RASGRP4: variants seen among roughly 807,000 people sequenced by gnomAD.
RASGRP4 encodes RAS guanyl-releasing protein 4.
In RASGRP4, 52 loss-of-function variants were observed where a neutral mutation model predicts 84.4. The ratio of observed to expected loss-of-function variants is 0.62; its 90% confidence interval spans 0.49 to 0.78. The LOEUF is 0.78. Ranked by LOEUF, RASGRP4 falls within the 30% of genes least tolerant of loss-of-function variation. The pLI is 0.00. For synonymous variants in RASGRP4, 356 were observed against 359.1 expected (o/e 0.99, Z 0.10); for missense variants, 760 against 886.9 (o/e 0.86, Z 1.82).
At chr19:38,423,929 G>A (rs1971872750) in intron 1 of RASGRP4, among the ~76,000 whole-genome samples, 1 of 152,138 alleles carries the variant, frequency 6.6e-6, no homozygotes, top group Admixed American at 6.6e-5. Context: ...TAGGGGAAGA[G>A]GGTAATGGAG....
chr19:38,414,047 G>A (rs1461315608), intron 9 of RASGRP4, among the ~76,000 whole-genome samples: 1 of 152,070 alleles, frequency 6.6e-6, no homozygotes, highest in East Asian at 1.9e-4. Flanking sequence ...TCATGCCTCA[G>A]CCTCCCAAGT....
Position 38,426,101 on chromosome 19 carries a change from G to A in RASGRP4, c.-10C>T, listed in dbSNP as rs377245170. 145 of 1,330,088 alleles carry A rather than the reference G, an allele frequency of 1.1e-4. 1 individual carries two copies. In the East Asian group the frequency reaches 3.5e-3, roughly 32 times the overall value. 82.4% of individuals were successfully genotyped at this position (1,330,088 alleles called of 1,614,324 possible). A position where few individuals can be genotyped will look rare whatever the true frequency, so the allele number is the denominator to read the frequency against. ...TGTCTTTTCTGTTCATGCTTCCCGC[G>A]TGGGGTGAGGAGGCCGGGGGTCTTG... On this transcript the variant is annotated 5_prime_UTR_variant, in exon 1 of 17. It adds an upstream start codon to the 5' untranslated region. Transcript: ENST00000615439.
intron 13 of RASGRP4, 29 bp from the exon 14 acceptor site, chr19:38,411,410 C>A: frequency 6.6e-7 from 1 of 1,522,232 alleles, no homozygotes; most frequent in South Asian, 1.3e-5. Flanking sequence ...AAAGGTTACC[C>A]ATCCTAGGAG....
intron 1 of RASGRP4, among the ~76,000 whole-genome samples, chr19:38,424,285 A>C (rs987247965): frequency 3.3e-5 from 5 of 151,864 alleles, no homozygotes; most frequent in African/African-American, 1.2e-4. Flanking sequence ...ACGCCGAGCT[A>C]ATTTTTGTAT....
rs1568408354 is a variant in RASGRP4 at position 38,413,171 on chromosome 19, C to CG, written c.1416+21dup. On this transcript the variant is annotated intron_variant, in intron 11 of 16. Coordinates refer to ENST00000615439, the MANE Select transcript of RASGRP4 (RefSeq NM_170604.3). This position sits in a 1 kb window ranked among gnomAD's most constrained non-coding sequence, Gnocchi z 4.7. ...GTCTTCCCTCCTGGCTGCTGGCGGC[C>CG]GGGCCACCCTCCCCTCCTTACCTCC... 1.2e-6 allele frequency: 2 copies of CG among 1,605,658 alleles called. No individual in the cohort carries two copies. Among genetic ancestry groups the CG allele is most frequent in the Non-Finnish European group, 1.7e-6 (2 of 1,173,488 alleles).
At chr19:38,416,454 ACT>A (rs1359097687) in intron 8 of RASGRP4, among the ~76,000 whole-genome samples, 1 of 121,010 alleles carries the variant, frequency 8.3e-6, no homozygotes, top group Admixed American at 9.5e-5. Context: ...CAAGAGCGAG[ACT>A]CTGTCTCAAA....
intron 9 of RASGRP4, among the ~76,000 whole-genome samples, chr19:38,414,516 G>A (rs754270267): frequency 3.0e-4 from 46 of 151,922 alleles, no homozygotes; most frequent in Non-Finnish European, 6.2e-4. Flanking sequence ...AGTAGAGACG[G>A]GGTTTCTCCA....
Position 38,418,337 on chromosome 19 carries a change from A to C in RASGRP4, c.837+54T>G. On this transcript the variant is annotated intron_variant, in intron 7 of 16. Coordinates refer to ENST00000615439, the MANE Select transcript of RASGRP4 (RefSeq NM_170604.3). The surrounding 1 kb of genome is among the most constrained non-coding windows in gnomAD (Gnocchi z 4.6). ...GTGGGGTCGAGGGTCTGGAAGGGGA[A>C]GGACCAGGTGGCTGCGTGCAGTGGA... is the stretch of plus-strand genomic sequence containing the variant. 1.3e-6 allele frequency: 2 copies of C among 1,546,748 alleles called. No homozygotes were observed. Among genetic ancestry groups the C allele is most frequent in the Non-Finnish European group, 1.8e-6 (2 of 1,139,556 alleles).
Position 38,410,115 on chromosome 19 carries a change from GAAGA to G in RASGRP4, c.1966-23_1966-20del. 1 of 1,603,176 alleles carries G rather than the reference GAAGA, an allele frequency of 6.2e-7. No homozygotes were observed. Reference sequence around the variant, plus strand: ...AGGGGACCTGGAAGGAGGAAGGGAGGAAGAAAGATGACAGATGATGTGGGGAGCA... The same window carrying G: ...AGGGGACCTGGAAGGAGGAAGGGAGGAAGATGACAGATGATGTGGGGAGCA... On this transcript the variant is annotated intron_variant, in intron 16 of 16. Transcript: ENST00000615439.
chr19:38,425,908 C>T (rs149731518), intron 1 of RASGRP4, among the ~76,000 whole-genome samples, 161 bp downstream of exon 1: 11 of 152,272 alleles, frequency 7.2e-5, no homozygotes, highest in Non-Finnish European at 1.5e-4. Context: ...CGACTGCAGC[C>T]GTAGCTGGCT....
At position 38,413,283 on chromosome 19, in the gene RASGRP4, G is replaced by C. The variant is rs561844658; in HGVS notation, c.1326C>G (p.Phe442Leu). The change falls in exon 11 of 17, where the codon TTC becomes TTG. Residue 442 changes from phenylalanine to leucine, a missense_variant. Coordinates refer to ENST00000615439, the MANE Select transcript of RASGRP4 (RefSeq NM_170604.3). The surrounding 1 kb of genome is among the most constrained non-coding windows in gnomAD (Gnocchi z 4.7). ...CCCACTCCACCACCAGAGGTGCATT[G>C]AAGGGGGAGGGTGGCTGGGGCGGGG... Reference protein sequence around the residue: ...RCPKSLPPSPFNAPLVVEWAP... With the variant: ...RCPKSLPPSPLNAPLVVEWAP... 1 of 1,613,750 alleles carries C rather than the reference G, an allele frequency of 6.2e-7. No homozygotes were observed. Among genetic ancestry groups the C allele is most frequent in the Non-Finnish European group, 8.5e-7 (1 of 1,179,752 alleles).
Position 38,418,545 on chromosome 19 carries a change from T to C in RASGRP4, c.683A>G (p.Tyr228Cys), listed in dbSNP as rs1192852556. The change falls in exon 7 of 17, where the codon TAC becomes TGC. Residue 228 changes from tyrosine to cysteine, a missense_variant. Physicochemically the swap from Tyr to Cys is radical, Grantham distance 194. Coordinates refer to ENST00000615439, the MANE Select transcript of RASGRP4 (RefSeq NM_170604.3). The surrounding 1 kb of genome is among the most constrained non-coding windows in gnomAD (Gnocchi z 4.6). ...QAITPQDLRS[Y>C]VLQGSVRGCP... The stretch of plus-strand genomic sequence containing the variant: ...GCCTCGTACTGAGCCCTGCAAAACG[T>C]AGCTCCGCAGGTCCTGGGGCTGGGA... 2.6e-6 allele frequency: 4 copies of C among 1,535,684 alleles called. No individual in the cohort carries two copies. Among genetic ancestry groups the C allele is most frequent in the South Asian group, 1.2e-5 (1 of 82,832 alleles).
intron 16 of RASGRP4, 28 bp from the exon 17 acceptor site, chr19:38,410,124 T>A: frequency 6.3e-7 from 1 of 1,587,070 alleles, no homozygotes; most frequent in South Asian, 1.1e-5. Context: ...GGAAGAAAGA[T>A]GACAGATGAT....
rs762801481 is a variant in RASGRP4, at chr19:38,411,012, G to A, written c.1853-14C>T. 7 of 1,606,894 alleles carry A rather than the reference G, an allele frequency of 4.4e-6. No homozygotes were observed. The African/African-American group carries it at 5.3e-5, about 12-fold the overall frequency. The stretch of plus-strand genomic sequence containing the variant: ...TTTCCTCGGAGCCTGTTTGTGGGTG[G>A]ATGGAAGGGATGTGGGTCTGATGGG... On this transcript the variant is annotated splice_polypyrimidine_tract_variant and intron_variant, in intron 15 of 16. Transcript: ENST00000615439.
Position 38,420,295 on chromosome 19 carries a change from C to T in RASGRP4, c.378-33G>A, listed in dbSNP as rs566848007. Reference sequence around the variant, plus strand: ...TGGTTTGGAGATGGTGAGATGAGGCCGGGGGTGGCGAAGGTCTCTACAAGG... The same window carrying T: ...TGGTTTGGAGATGGTGAGATGAGGCTGGGGGTGGCGAAGGTCTCTACAAGG... On this transcript the variant is annotated intron_variant, in intron 4 of 16. Transcript: ENST00000615439. The T allele has an allele frequency of 1.4e-4, 221 of 1,605,644 alleles. 1 individual carries two copies. In the South Asian group the frequency reaches 2.1e-3, roughly 15 times the overall value.
Position 38,409,898 on chromosome 19 carries a change from A to G in RASGRP4, c.*142T>C, listed in dbSNP as rs1427365968. On this transcript the variant is annotated 3_prime_UTR_variant, in exon 17 of 17. Transcript: ENST00000615439. The stretch of plus-strand genomic sequence containing the variant: ...AAAGTCACTTCCAGGGAAAAAGATG[A>G]CGGACGTACCACTAAAGGCAGTGTG... 3.4e-6 allele frequency: 2 copies of G among 591,020 alleles called. No homozygotes were observed. The highest frequency in any genetic ancestry group is 6.1e-6 in the Non-Finnish European group (2 of 330,552). The allele number at this position is 591,020 out of a possible 1,614,324, so 36.6% of individuals were successfully genotyped here.
At chr19:38,411,596 A>G in intron 13 of RASGRP4, 2 of 556,006 alleles carry the variant, frequency 3.6e-6, no homozygotes, top group Non-Finnish European at 6.3e-6. Flanking sequence ...TTGGGAGGCC[A>G]AGGTGGGAGG....
chr19:38,410,970 T>C lies in RASGRP4; in HGVS notation c.1881A>G (p.Leu627=), dbSNP rs1440050837. 6.2e-7 allele frequency: 1 copy of C among 1,602,136 alleles called. No homozygotes were observed. The highest frequency in any genetic ancestry group is 2.2e-5 in the East Asian group (1 of 44,478). ...CGSEENHSYT[L]SLEPETGCQL... ...GGCACCCAGTCTCAGGCTCCAGGGA[T>C]AGCGTGTAGGAGTGATTTTCCTCGG... Residue 627 remains leucine (L), a synonymous_variant, in exon 16 of 17, where the codon CTA becomes CTG. Transcript: ENST00000615439.
At chr19:38,420,884 G>A (rs1971714450) in intron 4 of RASGRP4, 24 bp downstream of exon 4, 3 of 1,610,528 alleles carry the variant, frequency 1.9e-6, no homozygotes, top group Non-Finnish European at 2.5e-6. Context: ...GGTCCTGAGA[G>A]TGGGGATCTC....
Sources: allele counts gnomAD v4.1 joint callset (sites outside exome capture counted in the v4.1 genomes callset), GRCh38; gene constraint gnomAD v4.1.1; non-coding constraint Gnocchi (gnomAD v3.1); transcripts MANE v1.5; gene names NCBI Gene and HGNC (gene_info 2026-07-23, HGNC 2026-07-21).